PCDHA13: variants seen among roughly 807,000 people sequenced by gnomAD.
PCDHA13 encodes protocadherin alpha-13.
Under a neutral mutation model 64.8 loss-of-function variants are expected in PCDHA13, and 54 were observed. The ratio of observed to expected loss-of-function variants is 0.83; its 90% CI spans 0.67 to 1.04. The LOEUF (loss-of-function observed/expected upper bound fraction) is 1.04, where lower values mean the gene tolerates loss of function less well. Among genes scored for constraint, PCDHA13 ranks in the 50% least tolerant of loss-of-function variants. PCDHA13 has a pLI of 0.00. For missense variants in PCDHA13, 1,248 were observed against 1,254.3 expected (o/e 0.99, Z 0.08); for synonymous variants, 587 against 564.4 (o/e 1.04, Z -0.57).
chr5:140,986,373 G>A (rs376031401), intron 3 of PCDHA13, among the ~76,000 whole-genome samples: 26 of 152,280 alleles, frequency 1.7e-4, no homozygotes, highest in South Asian at 4.1e-4. Context: ...TGCGTTTTGG[G>A]GGGAGGGACA....
intron 1 of PCDHA13, among the ~76,000 whole-genome samples, chr5:140,911,460 G>A (rs1346001317): frequency 1.3e-5 from 2 of 152,140 alleles, no homozygotes; most frequent in African/African-American, 4.8e-5. Context: ...TTTCTCTACA[G>A]GAGATAAGAC....
At chr5:140,969,221 C>A (rs1222433541) in intron 1 of PCDHA13, 1 of 1,614,040 alleles carries the variant, frequency 6.2e-7, no homozygotes, top group African/African-American at 1.3e-5. Context: ...AGGACCAGGG[C>A]CTTCGGGAGC....
intron 3 of PCDHA13, among the ~76,000 whole-genome samples, chr5:140,984,759 T>C (rs2097119018): frequency 6.6e-6 from 1 of 152,184 alleles, no homozygotes; most frequent in Non-Finnish European, 1.5e-5. Context: ...AGTTGAATTC[T>C]AATCCCAAGC....
chr5:141,007,551 GA>G (rs1554261384), intron 3 of PCDHA13, among the ~76,000 whole-genome samples: 1 of 152,140 alleles, frequency 6.6e-6, no homozygotes, highest in African/African-American at 2.4e-5. Flanking sequence ...TTGGGCAACA[GA>G]GCAAGGCTCT....
intron 1 of PCDHA13, among the ~76,000 whole-genome samples, chr5:140,954,151 A>G (rs2094989173): frequency 6.6e-6 from 1 of 152,226 alleles, no homozygotes; most frequent in Admixed American, 6.5e-5. Context: ...TCCATGGTGT[A>G]TATGTACCAC....
chr5:140,904,552 T>C (rs1233525886), intron 1 of PCDHA13, among the ~76,000 whole-genome samples: 1 of 152,084 alleles, frequency 6.6e-6, no homozygotes, highest in Non-Finnish European at 1.5e-5. Flanking sequence ...TTTCATATAA[T>C]GACTTTTTTT....
rs1554262487 is a variant in PCDHA13, at chr5:141,009,847, G to T, written c.2763G>T (p.Glu921Asp). ...TCATAACCTTCGGCAAAAAGGAGGA[G>T]ACCAAGAAAAAGAAGAAAAAGAAGA... ...SDFITFGKKE[E>D]TKKKKKKKKG... Residue 921 changes from glutamate (E) to aspartate (D), a missense_variant, in exon 4 of 4, where the codon GAG (glutamate) becomes GAT (aspartate). Glu to Asp is a conservative substitution (Grantham distance 45). Coordinates refer to ENST00000289272, the MANE Select transcript of PCDHA13 (RefSeq NM_018904.3). 1 of 1,613,870 alleles carries T rather than the reference G, an allele frequency of 6.2e-7. No homozygotes were observed. Among genetic ancestry groups the T allele is most frequent in the Non-Finnish European group, 8.5e-7 (1 of 1,180,010 alleles).
At chr5:140,978,914 C>A (rs2096828574) in intron 1 of PCDHA13, 35 bp from the exon 2 acceptor site, 10 of 1,613,852 alleles carry the variant, frequency 6.2e-6, no homozygotes, top group Non-Finnish European at 8.5e-6. Context: ...ATTGTCTTGT[C>A]ATTTTAACAG....
rs574473083 is a variant in PCDHA13, at chr5:140,908,105, C to T, written c.2394+23443C>T. ...CAGGTGCACTGATTGAAGTTCTGTC[C>T]ACTGGGAAGATTTCCCTTCACTGCT... is the stretch of plus-strand genomic sequence containing the variant. On this transcript the variant is annotated intron_variant, in intron 1 of 3. Coordinates refer to ENST00000289272, the MANE Select transcript of PCDHA13 (RefSeq NM_018904.3). Among the ~76,000 whole-genome samples the T allele has an allele frequency of 5.3e-5, 8 of 152,304 alleles. No individual in the cohort carries two copies. In the East Asian group the frequency reaches 1.4e-3, roughly 26 times the overall value.
At chr5:140,888,695 A>G (rs1161003821) in intron 1 of PCDHA13, among the ~76,000 whole-genome samples, 3 of 152,094 alleles carry the variant, frequency 2.0e-5, no homozygotes, top group African/African-American at 7.2e-5. Flanking sequence ...CTCTTCTCTG[A>G]TTGGTAGGAA....
intron 1 of PCDHA13, among the ~76,000 whole-genome samples, chr5:140,890,076 C>G (rs2062479072): frequency 6.6e-6 from 1 of 152,150 alleles, no homozygotes. Flanking sequence ...CTTATGAGAA[C>G]TGATAATGCA....
chr5:141,010,124 G>A lies in PCDHA13; in HGVS notation c.*187G>A. ...GGTTTTGTCGTAAAAGCTTTACTAAGTCTGGTGTTAACTCTTTCTCTCCAC... is the reference window on the plus strand; with the variant it reads ...GGTTTTGTCGTAAAAGCTTTACTAAATCTGGTGTTAACTCTTTCTCTCCAC... On this transcript the variant is annotated 3_prime_UTR_variant, in exon 4 of 4. Coordinates refer to ENST00000289272, the MANE Select transcript of PCDHA13 (RefSeq NM_018904.3). The A allele has an allele frequency of 1.2e-6, 2 of 1,605,172 alleles. No homozygotes were observed. The highest frequency in any genetic ancestry group is 1.7e-6 in the Non-Finnish European group (2 of 1,175,146).
intron 3 of PCDHA13, among the ~76,000 whole-genome samples, chr5:140,991,200 A>C (rs2097437692): frequency 6.6e-6 from 1 of 152,234 alleles, no homozygotes; most frequent in Admixed American, 6.5e-5. Context: ...AATGATGCTC[A>C]ATAAATTTTG....
chr5:140,967,009 T>G, intron 1 of PCDHA13: 1 of 1,606,176 alleles, frequency 6.2e-7, no homozygotes, highest in Non-Finnish European at 8.5e-7. Flanking sequence ...GCATCAACCA[T>G]CTGGGTGCGC....
chr5:140,999,011 A>G (rs2097843002), intron 3 of PCDHA13, among the ~76,000 whole-genome samples: 1 of 152,246 alleles, frequency 6.6e-6, no homozygotes, highest in Non-Finnish European at 1.5e-5. Flanking sequence ...CTGAGATTTG[A>G]ACCCAAGACT....
At position 140,899,258 on chromosome 5, in the gene PCDHA13, T is replaced by C. The variant is rs1293804815; in HGVS notation, c.2394+14596T>C. On this transcript the variant is annotated intron_variant, in intron 1 of 3. Transcript: ENST00000289272. Reference sequence around the variant, plus strand: ...TAGGAGTGGTGAGAGAGGGCATCCCTGTCTTGTGGCAGTTTTCAAAGGGAA... The same window carrying C: ...TAGGAGTGGTGAGAGAGGGCATCCCCGTCTTGTGGCAGTTTTCAAAGGGAA... Among the ~76,000 whole-genome samples the C allele has an allele frequency of 3.7e-4, 56 of 152,282 alleles. No individual in the cohort carries two copies. In the South Asian group the frequency reaches 0.012, roughly 32 times the overall value.
chr5:140,914,207 A>G (rs1485868934), intron 1 of PCDHA13, among the ~76,000 whole-genome samples: 4 of 152,060 alleles, frequency 2.6e-5, no homozygotes, highest in African/African-American at 9.7e-5. Context: ...TGTGATCTCT[A>G]TCTCTCTTTT....
chr5:140,902,203 CTTT>C lies in PCDHA13; in HGVS notation c.2394+17557_2394+17559del, dbSNP rs148688132. ...TTATGTCTTCTCTCTCTCTCTCTTT[CTTT>C]TTTTTTTTTTTTTTTGAGATGAGGA... On this transcript the variant is annotated intron_variant, in intron 1 of 3. Coordinates refer to ENST00000289272, the MANE Select transcript of PCDHA13 (RefSeq NM_018904.3). Among the ~76,000 whole-genome samples, 328 of 124,424 alleles carry C rather than the reference CTTT, an allele frequency of 2.6e-3. 2 individuals are homozygous for C. Among genetic ancestry groups the C allele is most frequent in the Middle Eastern group, 0.017 (4 of 242 alleles). 81.6% of individuals were successfully genotyped at this position (124,424 alleles called of 152,430 possible).
chr5:140,889,767 C>T (rs539294045), intron 1 of PCDHA13, among the ~76,000 whole-genome samples: 29 of 152,202 alleles, frequency 1.9e-4, no homozygotes, highest in African/African-American at 6.7e-4. Context: ...TGAACTTTGA[C>T]TGGTCTTAAT....
Sources: allele counts gnomAD v4.1 joint callset (sites outside exome capture counted in the v4.1 genomes callset), GRCh38; gene constraint gnomAD v4.1.1; transcripts MANE v1.5; gene names NCBI Gene and HGNC (gene_info 2026-07-23, HGNC 2026-07-21).